Variants in BMP8B observed in about 807,000 individuals in gnomAD.
The protein encoded by BMP8B is bone morphogenetic protein 8b.
In BMP8B, 17 loss-of-function variants were observed where a neutral mutation model predicts 30.3. The ratio of observed to expected loss-of-function variants is 0.56; its 90% CI spans 0.38 to 0.84. The LOEUF (loss-of-function observed/expected upper bound fraction) is 0.84, where lower values mean the gene tolerates loss of function less well. Ranked by LOEUF, BMP8B falls within the 40% of genes least tolerant of loss-of-function variation. The pLI is 0.00. For synonymous variants in BMP8B, 131 were observed against 214.7 expected, an observed-to-expected ratio of 0.61 and a Z score of 3.41; for missense variants, 253 against 494.6, an observed-to-expected ratio of 0.51 and a Z score of 4.63.
chr1:39,765,984 G>A (rs1353223361), intron 3 of BMP8B, among the ~76,000 whole-genome samples: 1 of 150,730 alleles, frequency 6.6e-6, no homozygotes. Context: ...GCAGTGAGGT[G>A]TGATTGTGTC....
Position 39,763,143 on chromosome 1 carries a change from G to A in BMP8B, c.1008C>T (p.Phe336=). ...TGGCATTCATGCAGGAGTCCAGTGG[G>A]AAGGAGCACTCCCCCTCACAGTAAT... is the stretch of plus-strand genomic sequence containing the variant. The part of the protein sequence containing the change: ...SAYYCEGECS[F]PLDSCMNATN... Residue 336 remains phenylalanine, a synonymous_variant, in exon 6 of 7, where the codon TTC becomes TTT. Coordinates refer to ENST00000372827, the MANE Select transcript of BMP8B (RefSeq NM_001720.5). The A allele has an allele frequency of 1.9e-6, 3 of 1,614,096 alleles. No individual in the cohort carries two copies. Among genetic ancestry groups the A allele is most frequent in the Middle Eastern group, 1.7e-4 (1 of 6,052 alleles).
At chr1:39,767,033 A>C (rs1439290929) in intron 3 of BMP8B, among the ~76,000 whole-genome samples, 1 of 152,268 alleles carries the variant, frequency 6.6e-6, no homozygotes, top group Non-Finnish European at 1.5e-5. Context: ...AGAGGCCATC[A>C]GTCCTGCAGG....
At chr1:39,760,786 G>GT in intron 6 of BMP8B, among the ~76,000 whole-genome samples, 1 of 152,196 alleles carries the variant, frequency 6.6e-6, no homozygotes, top group Non-Finnish European at 1.5e-5. Context: ...AGGGACACAT[G>GT]GCAGGGGGTG....
At chr1:39,786,627 G>C (rs1425690815) in intron 1 of BMP8B, among the ~76,000 whole-genome samples, 1 of 152,130 alleles carries the variant, frequency 6.6e-6, no homozygotes, top group Non-Finnish European at 1.5e-5. Context: ...GGACATTCTT[G>C]GACGACTCCA....
intron 1 of BMP8B, among the ~76,000 whole-genome samples, chr1:39,776,982 G>T (rs147218595): frequency 2.1e-4 from 32 of 152,300 alleles, no homozygotes; most frequent in African/African-American, 7.5e-4. Flanking sequence ...AAACAGAAAA[G>T]GTTATGGGCT....
At chr1:39,786,633 C>T (rs1650999650) in intron 1 of BMP8B, among the ~76,000 whole-genome samples, 1 of 152,162 alleles carries the variant, frequency 6.6e-6, no homozygotes, top group Non-Finnish European at 1.5e-5. Context: ...TCTTGGACGA[C>T]TCCATCCACA....
At chr1:39,769,619 A>G in intron 3 of BMP8B, 1 of 1,440,876 alleles carries the variant, frequency 6.9e-7, no homozygotes, top group Non-Finnish European at 9.1e-7. Context: ...AACCCCTCCC[A>G]GAGCTGGGGA....
At chr1:39,780,728 T>TA (rs1214071245) in intron 1 of BMP8B, among the ~76,000 whole-genome samples, 2 of 152,134 alleles carry the variant, frequency 1.3e-5, no homozygotes, top group African/African-American at 2.4e-5. Context: ...CTCGTCTCTA[T>TA]AAAAAAATGT....
At position 39,788,357 on chromosome 1, in the gene BMP8B, G is replaced by C; in HGVS notation, c.129C>G (p.Asp43Glu). ...QRRLGARERR[D>E]VQREILAVLG... ...GCACCGCCAGGATCTCGCGCTGCAC[G>C]TCCCGGCGCTCGCGCGCGCCCAGAC... Residue 43 changes from aspartate to glutamate, a missense_variant, in exon 1 of 7, where the codon GAC (aspartate) becomes GAG (glutamate). By Grantham distance (45) the Asp-to-Glu change is conservative. Coordinates refer to ENST00000372827, the MANE Select transcript of BMP8B (RefSeq NM_001720.5). This position sits in a 1 kb window ranked among gnomAD's most constrained non-coding sequence, Gnocchi z 5.8. 8.6e-7 allele frequency: 1 copy of C among 1,159,046 alleles called. No homozygotes were observed. 71.8% of individuals were successfully genotyped at this position (1,159,046 alleles called of 1,614,324 possible).
intron 6 of BMP8B, 40 bp downstream of exon 6, chr1:39,763,052 C>G: frequency 6.2e-7 from 1 of 1,606,260 alleles, no homozygotes. Flanking sequence ...CACAGGGCCC[C>G]CCACCCCAGG....
intron 6 of BMP8B, among the ~76,000 whole-genome samples, chr1:39,761,968 G>A (rs1295335892): frequency 6.6e-6 from 1 of 152,232 alleles, no homozygotes; most frequent in East Asian, 1.9e-4. Context: ...AGAGGAGATG[G>A]AGTCTGGGAG....
intron 3 of BMP8B, 65 bp from the exon 4 acceptor site, chr1:39,764,882 C>G: frequency 1.2e-6 from 2 of 1,603,712 alleles, no homozygotes; most frequent in Non-Finnish European, 1.7e-6. Context: ...CAGCAGCGGT[C>G]TCTCTGCCGG....
In BMP8B at chr1:39,760,060, C is replaced by T; in HGVS notation, c.*359G>A. ...GCTCCAGGTGCCTCTCAGGTCATTC[C>T]ACATCTATCTCACGACCTGAGCCAG... On this transcript the variant is annotated 3_prime_UTR_variant, in exon 7 of 7. Coordinates refer to ENST00000372827, the MANE Select transcript of BMP8B (RefSeq NM_001720.5). 1 of 286,056 alleles carries T rather than the reference C, an allele frequency of 3.5e-6. No individual in the cohort carries two copies. The highest frequency in any genetic ancestry group is 6.8e-6 in the Non-Finnish European group (1 of 147,716). The allele number at this position is 286,056 out of a possible 1,614,324, so 17.7% of individuals were successfully genotyped here.
At chr1:39,778,080 G>T (rs1047642535) in intron 1 of BMP8B, among the ~76,000 whole-genome samples, 6 of 152,270 alleles carry the variant, frequency 3.9e-5, no homozygotes. Flanking sequence ...AGGCTCGCAC[G>T]TCAACTCATC....
Position 39,767,339 on chromosome 1 carries a change from G to A in BMP8B, c.674-2522C>T, listed in dbSNP as rs500612. Among the ~76,000 whole-genome samples, 633 of 150,578 alleles carry A rather than the reference G, an allele frequency of 4.2e-3. 2 individuals are homozygous for A. Among genetic ancestry groups the A allele is most frequent in the African/African-American group, 0.015 (609 of 41,306 alleles). ...CCCAGAGCAAGGTGGGTCGGAGCCA[G>A]GATTGTCATATACTTTTCCAGCAAA... is the stretch of plus-strand genomic sequence containing the variant. On this transcript the variant is annotated intron_variant, in intron 3 of 6. Transcript: ENST00000372827.
intron 1 of BMP8B, among the ~76,000 whole-genome samples, chr1:39,787,588 G>A (rs1277006067): frequency 6.6e-6 from 1 of 152,042 alleles, no homozygotes; most frequent in Non-Finnish European, 1.5e-5. Flanking sequence ...TTGGGCCCAG[G>A]GTGACAAGGC....
chr1:39,780,114 T>A (rs1203232155), intron 1 of BMP8B, among the ~76,000 whole-genome samples: 1 of 152,220 alleles, frequency 6.6e-6, no homozygotes, highest in African/African-American at 2.4e-5. Context: ...TATAGACTAA[T>A]CCTGGCAGGG....
At chr1:39,770,611 G>A in intron 3 of BMP8B, 1 of 1,590,284 alleles carries the variant, frequency 6.3e-7, no homozygotes, top group Non-Finnish European at 8.5e-7. Flanking sequence ...CTGCCCGGTC[G>A]GCCTTCCACC....
At position 39,758,900 on chromosome 1, in the gene BMP8B, C is replaced by G. The variant is rs1315654164; in HGVS notation, c.*1519G>C. 1 of 152,296 alleles carries G rather than the reference C, an allele frequency of 6.6e-6. No homozygotes were observed. The highest frequency in any genetic ancestry group is 2.4e-5 in the African/African-American group (1 of 41,456). The allele number at this position is 152,296 out of a possible 1,614,324, so 9.4% of individuals were successfully genotyped here. Reference sequence around the variant, plus strand: ...AGTGTGGCCCCAGCCTCCACCCCTGCTGCTGGACCAGCTTTCCCCAGGCCC... The same window carrying G: ...AGTGTGGCCCCAGCCTCCACCCCTGGTGCTGGACCAGCTTTCCCCAGGCCC... On this transcript the variant is annotated 3_prime_UTR_variant, in exon 7 of 7. Transcript: ENST00000372827.
Sources: allele counts gnomAD v4.1 joint callset (sites outside exome capture counted in the v4.1 genomes callset), GRCh38; gene constraint gnomAD v4.1.1; non-coding constraint Gnocchi (gnomAD v3.1); transcripts MANE v1.5; gene names NCBI Gene and HGNC (gene_info 2026-07-23, HGNC 2026-07-21).